Variants in PLCB4 observed in about 807,000 individuals in gnomAD.
PLCB4 encodes the protein phospholipase C beta 4.
Under a neutral mutation model 178.8 loss-of-function variants are expected in PLCB4, and 77 were observed. That is an observed-to-expected ratio of 0.43 (90% CI 0.36 to 0.52). PLCB4 has a LOEUF of 0.52. Ranked by LOEUF, PLCB4 falls within the 20% of genes least tolerant of loss-of-function variation. The probability of loss-of-function intolerance (pLI) is 0.00; values close to 1 mark genes in which losing one functional copy is unlikely to be tolerated. For synonymous variants in PLCB4, 496 were observed against 490.8 expected (o/e 1.01, Z -0.14); for missense variants, 1,024 against 1,453.4 (o/e 0.70, Z 4.80).
At chr20:9,474,074 G>A (rs1020026436) in intron 38 of PLCB4, among the ~76,000 whole-genome samples, 13 of 151,906 alleles carry the variant, frequency 8.6e-5, no homozygotes, top group African/African-American at 2.9e-4. Context: ...AAAATTAGCC[G>A]GGCCTGGTGG....
chr20:9,244,232 A>G (rs1288832311), intron 3 of PLCB4, among the ~76,000 whole-genome samples: 2 of 152,192 alleles, frequency 1.3e-5, no homozygotes, highest in Non-Finnish European at 2.9e-5. Context: ...CCCCAAGATA[A>G]TTGGGTTTCA....
intron 3 of PLCB4, among the ~76,000 whole-genome samples, chr20:9,264,690 A>G (rs2094331633): frequency 6.6e-6 from 1 of 152,152 alleles, no homozygotes; most frequent in Non-Finnish European, 1.5e-5. Flanking sequence ...AGGCATGTGG[A>G]AGTATTTGGA....
At chr20:9,110,105 A>C (rs2091520254) in intron 2 of PLCB4, among the ~76,000 whole-genome samples, 1 of 152,110 alleles carries the variant, frequency 6.6e-6, no homozygotes, top group Non-Finnish European at 1.5e-5. Context: ...ATTTTTTGCA[A>C]AGTGTTAATT....
In PLCB4 at chr20:9,244,466, T is replaced by C. The variant is rs146687899; in HGVS notation, c.-16+27014T>C. ...TTATGACTAGTTACTTTCAGAAACTTAGTTTTGGAGATGAAAACAAGTGAT... is the reference window on the plus strand; with the variant it reads ...TTATGACTAGTTACTTTCAGAAACTCAGTTTTGGAGATGAAAACAAGTGAT... On this transcript the variant is annotated intron_variant, in intron 3 of 39. Coordinates refer to ENST00000378473, the MANE Select transcript of PLCB4 (RefSeq NM_001377142.1). Among the ~76,000 whole-genome samples, 464 of 152,294 alleles carry C rather than the reference T, an allele frequency of 3.0e-3. 2 individuals are homozygous for C. Among genetic ancestry groups the C allele is most frequent in the African/African-American group, 0.011 (450 of 41,570 alleles).
intron 10 of PLCB4, 50 bp from the exon 11 acceptor site, chr20:9,372,253 C>T: frequency 9.2e-7 from 1 of 1,083,936 alleles, no homozygotes; most frequent in Non-Finnish European, 1.4e-6. Flanking sequence ...TTCTCACCCT[C>T]CAAGGGAAAA....
At chr20:9,386,750 C>T (rs550570546) in intron 14 of PLCB4, among the ~76,000 whole-genome samples, 4 of 151,476 alleles carry the variant, frequency 2.6e-5, no homozygotes, top group Non-Finnish European at 2.9e-5. Context: ...TGTTGGTGTC[C>T]TGCACCCATT....
At chr20:9,216,380 G>A (rs1376551529) in intron 2 of PLCB4, among the ~76,000 whole-genome samples, 1 of 152,024 alleles carries the variant, frequency 6.6e-6, no homozygotes. Context: ...ACCATGCCCG[G>A]CTAATTTTTT....
At chr20:9,254,421 G>A (rs999990386) in intron 3 of PLCB4, among the ~76,000 whole-genome samples, 11 of 152,306 alleles carry the variant, frequency 7.2e-5, no homozygotes, top group South Asian at 4.1e-4. Flanking sequence ...TTGGCCGGGC[G>A]TGGTGGCTCA....
At chr20:9,197,594 T>C (rs1227767646) in intron 2 of PLCB4, among the ~76,000 whole-genome samples, 3 of 152,240 alleles carry the variant, frequency 2.0e-5, no homozygotes, top group Non-Finnish European at 2.9e-5. Flanking sequence ...TTATTTTTAT[T>C]GAATATTGCT....
intron 9 of PLCB4, among the ~76,000 whole-genome samples, chr20:9,366,450 T>C (rs2035794185): frequency 7.0e-6 from 1 of 142,354 alleles, no homozygotes; most frequent in African/African-American, 2.6e-5. Context: ...AAAGAAAACA[T>C]GGACAGGATA....
intron 36 of PLCB4, among the ~76,000 whole-genome samples, chr20:9,470,696 A>AACTTTCTG (rs2044132079): frequency 6.6e-6 from 1 of 152,142 alleles, no homozygotes; most frequent in African/African-American, 2.4e-5. Flanking sequence ...GTAACTTTCT[A>AACTTTCTG]TTTTTATTTG....
chr20:9,408,460 A>G (rs2039615786), intron 22 of PLCB4, among the ~76,000 whole-genome samples, 173 bp from the exon 23 acceptor site: 1 of 152,172 alleles, frequency 6.6e-6, no homozygotes. Context: ...GGCTGAAAAG[A>G]CAGATGTCTC....
chr20:9,362,953 C>T lies in PLCB4; in HGVS notation c.427C>T (p.Pro143Ser). 1 of 1,611,002 alleles carries T rather than the reference C, an allele frequency of 6.2e-7. No homozygotes were observed. The highest frequency in any genetic ancestry group is 8.5e-7 in the Non-Finnish European group (1 of 1,177,244). ...IHNFRANNVSPMTCLKKHWMK... is the reference protein window; with the variant it reads ...IHNFRANNVSSMTCLKKHWMK... Reference sequence around the variant, plus strand: ...CAACTTCAGGGCCAACAACGTCAGTCCAATGACATGCCTCAAGAAACAGTG... The same window carrying T: ...CAACTTCAGGGCCAACAACGTCAGTTCAATGACATGCCTCAAGAAACAGTG... The change falls in exon 8 of 40, where the codon CCA becomes TCA. Residue 143 changes from proline to serine, a missense_variant. Physicochemically the swap from Pro to Ser is moderately conservative, Grantham distance 74. This residue lies in a region of PLCB4 where 225 missense variants were observed against 291.0 expected (regional missense o/e 0.77). Coordinates refer to ENST00000378473, the MANE Select transcript of PLCB4 (RefSeq NM_001377142.1).
At chr20:9,285,916 C>T (rs1337819208) in intron 3 of PLCB4, among the ~76,000 whole-genome samples, 4 of 151,952 alleles carry the variant, frequency 2.6e-5, no homozygotes, top group African/African-American at 9.7e-5. Flanking sequence ...GCCATAAATG[C>T]GTAGACATCA....
intron 3 of PLCB4, among the ~76,000 whole-genome samples, chr20:9,301,296 C>T (rs1020691221): frequency 4.6e-5 from 7 of 151,802 alleles, no homozygotes; most frequent in African/African-American, 1.7e-4. Flanking sequence ...CCTGCCATAC[C>T]CAGGTACCTT....
intron 2 of PLCB4, among the ~76,000 whole-genome samples, chr20:9,191,741 C>A (rs2093407137): frequency 6.6e-6 from 1 of 152,054 alleles, no homozygotes; most frequent in African/African-American, 2.4e-5. Context: ...ACTACTTCTC[C>A]CTTCTCCCCT....
intron 37 of PLCB4, 138 bp downstream of exon 37, chr20:9,472,985 A>G (rs926360064): frequency 1.7e-6 from 1 of 573,516 alleles, no homozygotes; most frequent in Non-Finnish European, 3.1e-6. Flanking sequence ...CTGCTCCCTG[A>G]AAGCTAAAAT....
At position 9,421,346 on chromosome 20, in the gene PLCB4, A is replaced by G. The variant is rs760293668; in HGVS notation, c.2204A>G (p.Glu735Gly). The change falls in exon 27 of 40, where the codon GAG becomes GGG. Residue 735 changes from glutamate to glycine, a missense_variant. Glu to Gly is a moderately conservative substitution (Grantham distance 98, BLOSUM62 -2). This residue lies in a region of PLCB4 where 227 missense variants were observed against 374.3 expected (regional missense o/e 0.61). Coordinates refer to ENST00000378473, the MANE Select transcript of PLCB4 (RefSeq NM_001377142.1). ...LSDKKIGTYV[E>G]VDMYGLPTDT... ...GATAAGAAAATTGGCACCTACGTAG[A>G]GGTGGATATGTATGGGTTGCCCACT... 1 of 1,613,820 alleles carries G rather than the reference A, an allele frequency of 6.2e-7. No homozygotes were observed. The highest frequency in any genetic ancestry group is 8.5e-7 in the Non-Finnish European group (1 of 1,179,752).
chr20:9,104,764 C>G (rs2091301345), intron 2 of PLCB4, among the ~76,000 whole-genome samples: 1 of 152,064 alleles, frequency 6.6e-6, no homozygotes, highest in Non-Finnish European at 1.5e-5. Context: ...AATCTCTTCA[C>G]ATCCTAACAT....
Sources: gnomAD v4.1 joint callset for allele counts (sites outside exome capture counted in the v4.1 genomes callset) on GRCh38, gnomAD v4.1.1 for gene constraint, gnomAD v4.1.1 regional missense constraint, MANE v1.5 for transcripts, NCBI Gene and HGNC (gene_info 2026-07-23, HGNC 2026-07-21) for gene names.